Variants in TBC1D32 observed in about 807,000 individuals in gnomAD.
TBC1D32 encodes the protein protein broad-minded.
In TBC1D32, 151 loss-of-function variants were observed where a neutral mutation model predicts 170.3. That is an observed-to-expected ratio of 0.89 (90% CI 0.78 to 1.01). The LOEUF (loss-of-function observed/expected upper bound fraction) is 1.01, where lower values mean the gene tolerates loss of function less well. TBC1D32 is among the 50% of genes least tolerant of loss of function. TBC1D32 has a pLI of 0.00. For missense variants in TBC1D32, 1,464 were observed against 1,457.1 expected, an observed-to-expected ratio of 1.00 and a Z score of -0.08; for synonymous variants, 498 against 488.0, an observed-to-expected ratio of 1.02 and a Z score of -0.27.
At chr6:121,200,829 A>T (rs1791453416) in intron 22 of TBC1D32, among the ~76,000 whole-genome samples, 1 of 151,470 alleles carries the variant, frequency 6.6e-6, no homozygotes, top group Admixed American at 6.6e-5. Context: ...GTCAAGACAT[A>T]AAAAACAAGT....
At chr6:121,162,481 G>C (rs1434756966) in intron 22 of TBC1D32, among the ~76,000 whole-genome samples, 1 of 152,110 alleles carries the variant, frequency 6.6e-6, no homozygotes, top group African/African-American at 2.4e-5. Context: ...CATTAGCCTT[G>C]AAAACTGGCA....
chr6:121,222,651 C>G (rs746152870), intron 21 of TBC1D32, among the ~76,000 whole-genome samples: 3 of 142,916 alleles, frequency 2.1e-5, no homozygotes, highest in Non-Finnish European at 3.0e-5. Context: ...ATTTCAATAT[C>G]AAGTCTTTAT....
chr6:121,306,340 C>T (rs1001137987), intron 5 of TBC1D32, among the ~76,000 whole-genome samples: 2 of 152,028 alleles, frequency 1.3e-5, no homozygotes, highest in African/African-American at 4.8e-5. Flanking sequence ...AAACATATTG[C>T]GATACCTTAA....
intron 23 of TBC1D32, 43 bp downstream of exon 23, chr6:121,160,905 A>T: frequency 1.3e-6 from 2 of 1,511,998 alleles, no homozygotes; most frequent in South Asian, 1.1e-5. Context: ...GCTTCAAAAT[A>T]TGTCAGAAAA....
intron 12 of TBC1D32, among the ~76,000 whole-genome samples, chr6:121,291,777 G>A (rs1264652345): frequency 6.6e-6 from 1 of 151,962 alleles, no homozygotes; most frequent in East Asian, 1.9e-4. Context: ...GTTTATAATG[G>A]AATGAGAACT....
intron 22 of TBC1D32, among the ~76,000 whole-genome samples, chr6:121,184,982 C>T (rs141385115): frequency 1.5e-3 from 232 of 152,000 alleles, no homozygotes; most frequent in Non-Finnish European, 2.8e-3. Context: ...ATTCCCTCAA[C>T]CTGTATGTAT....
intron 31 of TBC1D32, among the ~76,000 whole-genome samples, chr6:121,085,873 G>C (rs567959612): frequency 2.7e-4 from 41 of 152,162 alleles, no homozygotes; most frequent in Admixed American, 2.6e-3. Flanking sequence ...GTCTTGGCTA[G>C]GTTAATGAGG....
chr6:121,118,967 C>A (rs1779968724), intron 26 of TBC1D32, among the ~76,000 whole-genome samples: 1 of 152,096 alleles, frequency 6.6e-6, no homozygotes, highest in Non-Finnish European at 1.5e-5. Context: ...TATGCAATTA[C>A]CCCTGCCTGG....
intron 24 of TBC1D32, among the ~76,000 whole-genome samples, chr6:121,148,502 C>T (rs1360356622): frequency 6.6e-6 from 1 of 152,180 alleles, no homozygotes; most frequent in African/African-American, 2.4e-5. Flanking sequence ...TATATACACA[C>T]TAATGGAATT....
At chr6:121,090,802 C>A in intron 31 of TBC1D32, 51 bp downstream of exon 31, 1 of 1,529,520 alleles carries the variant, frequency 6.5e-7, no homozygotes, top group Non-Finnish European at 8.9e-7. Context: ...TATTAAGCAA[C>A]CAAAGTTAGC....
In TBC1D32 at chr6:121,212,065, C is replaced by A. The variant is rs140370764; in HGVS notation, c.2482-6902G>T. ...CGTAGTTACTGACCTAACAGAAATACAAATAACAATCAAAGACTACTATGA... is the reference window on the plus strand; with the variant it reads ...CGTAGTTACTGACCTAACAGAAATAAAAATAACAATCAAAGACTACTATGA... On this transcript the variant is annotated intron_variant, in intron 21 of 31. Transcript: ENST00000398212. Among the ~76,000 whole-genome samples the A allele has an allele frequency of 4.0e-5, 6 of 151,814 alleles. No homozygotes were observed. The East Asian group carries it at 9.7e-4, about 25-fold the overall frequency.
intron 17 of TBC1D32, among the ~76,000 whole-genome samples, chr6:121,246,790 G>A (rs1797680440): frequency 6.7e-6 from 1 of 150,256 alleles, no homozygotes; most frequent in African/African-American, 2.4e-5. Flanking sequence ...GAATATGAGA[G>A]CTCAAAGAAA....
chr6:121,246,755 A>G (rs1315610000), intron 17 of TBC1D32, among the ~76,000 whole-genome samples: 5 of 151,726 alleles, frequency 3.3e-5, no homozygotes, highest in Non-Finnish European at 5.9e-5. Flanking sequence ...AAGTTTCAAC[A>G]ACAGACTAGA....
intron 5 of TBC1D32, among the ~76,000 whole-genome samples, chr6:121,306,124 T>C (rs558072132): frequency 2.0e-5 from 3 of 152,262 alleles, no homozygotes; most frequent in Non-Finnish European, 4.4e-5. Flanking sequence ...TGAGATAATA[T>C]GTTTTCACCT....
At chr6:121,267,667 G>A (rs1800725159) in intron 15 of TBC1D32, among the ~76,000 whole-genome samples, 1 of 152,166 alleles carries the variant, frequency 6.6e-6, no homozygotes, top group Non-Finnish European at 1.5e-5. Context: ...GCCTGCCTCT[G>A]TAGATGCCAC....
At chr6:121,138,653 T>C (rs941750420) in intron 24 of TBC1D32, among the ~76,000 whole-genome samples, 2 of 151,638 alleles carry the variant, frequency 1.3e-5, no homozygotes, top group African/African-American at 4.8e-5. Flanking sequence ...TTAGAAACAA[T>C]AAGAAAAGAA....
In TBC1D32 at chr6:121,080,321, G is replaced by A. The variant is rs1388176296; in HGVS notation, c.*450C>T. 3 of 295,992 alleles carry A rather than the reference G, an allele frequency of 1.0e-5. No homozygotes were observed. Among genetic ancestry groups the A allele is most frequent in the Non-Finnish European group, 1.4e-5 (2 of 140,758 alleles). 18.3% of individuals were successfully genotyped at this position (295,992 alleles called of 1,614,324 possible). On this transcript the variant is annotated 3_prime_UTR_variant, in exon 32 of 32. Coordinates refer to ENST00000398212, the MANE Select transcript of TBC1D32 (RefSeq NM_152730.6). ...CAACCTCCGCCTCCCGGGTTCAAGC[G>A]ATTCTCCTGCCTCAGCCTCCCAAGT...
rs530788729 is a variant in TBC1D32 at position 121,118,468 on chromosome 6, A to G, written c.2984-3227T>C. 5.9e-5 allele frequency among the ~76,000 whole-genome samples: 9 copies of G among 152,352 alleles called. No homozygotes were observed. In the South Asian group the frequency reaches 1.9e-3, roughly 32 times the overall value. The stretch of plus-strand genomic sequence containing the variant: ...AAAATGAGTTGACAAAATTTATGTC[A>G]CATGAACTGATATCACTCAGTGTGG... On this transcript the variant is annotated intron_variant, in intron 26 of 31. Coordinates refer to ENST00000398212, the MANE Select transcript of TBC1D32 (RefSeq NM_152730.6).
At chr6:121,241,619 T>A (rs1394182342) in intron 18 of TBC1D32, 67 bp from the exon 19 acceptor site, 4 of 1,301,856 alleles carry the variant, frequency 3.1e-6, no homozygotes, top group Non-Finnish European at 4.4e-6. Context: ...AGACATTCCT[T>A]CAAGATGGTA....
Sources: gnomAD v4.1 joint callset for allele counts (sites outside exome capture counted in the v4.1 genomes callset) on GRCh38, gnomAD v4.1.1 for gene constraint, MANE v1.5 for transcripts, NCBI Gene and HGNC (gene_info 2026-07-23, HGNC 2026-07-21) for gene names.